Variants in SPIRE1 observed in about 807,000 individuals in gnomAD.
SPIRE1 encodes the protein spire type actin nucleation factor 1, also known as protein spire homolog 1.
A neutral mutation model predicts 94.1 loss-of-function variants in SPIRE1; 40 were observed. That is an observed-to-expected ratio of 0.43 (90% confidence interval 0.33 to 0.55). The LOEUF (loss-of-function observed/expected upper bound fraction) is 0.55. Ranked by LOEUF, SPIRE1 falls within the 20% of genes least tolerant of loss-of-function variation. SPIRE1 has a pLI of 0.06. For missense variants in SPIRE1, 838 were observed against 975.2 expected (o/e 0.86, Z 1.87); for synonymous variants, 376 against 371.7 (o/e 1.01, Z -0.13).
intron 3 of SPIRE1, among the ~76,000 whole-genome samples, chr18:12,542,198 C>T (rs1182061270): frequency 6.6e-6 from 1 of 152,082 alleles, no homozygotes; most frequent in African/African-American, 2.4e-5. Context: ...AGGTCTCGAA[C>T]TCCTGACCTC....
At chr18:12,586,441 CT>C (rs2036392907) in intron 2 of SPIRE1, among the ~76,000 whole-genome samples, 1 of 152,134 alleles carries the variant, frequency 6.6e-6, no homozygotes, top group African/African-American at 2.4e-5. Flanking sequence ...GCCAGATTAC[CT>C]TGGTATTCCA....
At chr18:12,605,246 T>C (rs1360271316) in intron 2 of SPIRE1, among the ~76,000 whole-genome samples, 6 of 152,152 alleles carry the variant, frequency 3.9e-5, no homozygotes, top group Admixed American at 3.9e-4. Context: ...AGGCTGGGCA[T>C]GGTGGCTCAC....
chr18:12,462,159 A>T (rs1331229092), intron 12 of SPIRE1, among the ~76,000 whole-genome samples: 1 of 152,208 alleles, frequency 6.6e-6, no homozygotes, highest in Non-Finnish European at 1.5e-5. Flanking sequence ...TAAAATCATT[A>T]GTTCTTTAAT....
intron 2 of SPIRE1, among the ~76,000 whole-genome samples, chr18:12,614,300 A>G (rs1467030514): frequency 1.3e-5 from 2 of 152,152 alleles, no homozygotes; most frequent in Non-Finnish European, 2.9e-5. Context: ...AGATATATAT[A>G]TAATGAAAGT....
At position 12,449,392 on chromosome 18, in the gene SPIRE1, C is replaced by T; in HGVS notation, c.*246G>A. On this transcript the variant is annotated 3_prime_UTR_variant, in exon 17 of 17. Transcript: ENST00000409402. ...CTACTGGCTTCCAAAGCCACACACA[C>T]ACAAAAGTAAGTTTCAAACTGTTGT... 2.0e-6 allele frequency: 1 copy of T among 509,854 alleles called. No individual in the cohort carries two copies. The highest frequency in any genetic ancestry group is 3.5e-5 in the East Asian group (1 of 28,862). 31.6% of individuals were successfully genotyped at this position (509,854 alleles called of 1,614,324 possible).
chr18:12,469,555 T>C (rs1271533012), intron 10 of SPIRE1, among the ~76,000 whole-genome samples: 7 of 146,212 alleles, frequency 4.8e-5, no homozygotes, highest in African/African-American at 1.7e-4. Context: ...GCTTACTCTT[T>C]ATATATATAA....
Position 12,634,203 on chromosome 18 carries a change from G to A in SPIRE1, c.372+859C>T, listed in dbSNP as rs149861483. The stretch of plus-strand genomic sequence containing the variant: ...GCGGAGCTTGCAGTGAGCTGAGATC[G>A]TGCCACTGCCCTCCAGCCTGGGCGA... On this transcript the variant is annotated intron_variant, in intron 2 of 16. Transcript: ENST00000409402. Among the ~76,000 whole-genome samples the A allele has an allele frequency of 9.6e-3, 1,458 of 151,730 alleles. 29 individuals carry two copies. The highest frequency in any genetic ancestry group is 0.034 in the African/African-American group (1,388 of 41,408).
intron 3 of SPIRE1, among the ~76,000 whole-genome samples, chr18:12,536,233 T>C (rs2034837812): frequency 6.6e-6 from 1 of 152,174 alleles, no homozygotes; most frequent in Admixed American, 6.5e-5. Context: ...TGATGACGGA[T>C]CCAGTTTTTT....
rs573697894 is a variant in SPIRE1, at chr18:12,544,232, C to T, written c.603+2442G>A. ...TTTCTTTTTTTGAGACAGAGTCTCA[C>T]TCTGTCACCCAGGCTGGAGTGCAGT... On this transcript the variant is annotated intron_variant, in intron 3 of 16. Coordinates refer to ENST00000409402, the MANE Select transcript of SPIRE1 (RefSeq NM_001128626.2). Among the ~76,000 whole-genome samples, 76 of 150,876 alleles carry T rather than the reference C, an allele frequency of 5.0e-4. 1 individual carries two copies. Among genetic ancestry groups the T allele is most frequent in the Middle Eastern group, 3.4e-3 (1 of 294 alleles).
chr18:12,562,004 A>G (rs1235856265), intron 2 of SPIRE1, among the ~76,000 whole-genome samples: 5 of 152,206 alleles, frequency 3.3e-5, no homozygotes, highest in Non-Finnish European at 7.3e-5. Flanking sequence ...CAATTGTCTG[A>G]CCTCTGGGAA....
At chr18:12,547,933 A>AAACAAAC (rs775189094) in intron 2 of SPIRE1, among the ~76,000 whole-genome samples, 7 of 152,128 alleles carry the variant, frequency 4.6e-5, no homozygotes, top group South Asian at 2.1e-4. Flanking sequence ...ACAAACAAAC[A>AAACAAAC]AACAACAACA....
chr18:12,628,039 C>A lies in SPIRE1; in HGVS notation c.372+7023G>T, dbSNP rs189969504. 6.6e-5 allele frequency among the ~76,000 whole-genome samples: 10 copies of A among 152,278 alleles called. No homozygotes were observed. The East Asian group carries it at 1.9e-3, about 29-fold the overall frequency. On this transcript the variant is annotated intron_variant, in intron 2 of 16. Transcript: ENST00000409402. Reference sequence around the variant, plus strand: ...TCTGAGGGTAGCTTCTTCTGCCATGCAGAAGCTCTTTAGTTTAATTAGATC... The same window carrying A: ...TCTGAGGGTAGCTTCTTCTGCCATGAAGAAGCTCTTTAGTTTAATTAGATC...
At chr18:12,604,773 T>C (rs1300560508) in intron 2 of SPIRE1, among the ~76,000 whole-genome samples, 4 of 152,174 alleles carry the variant, frequency 2.6e-5, no homozygotes, top group African/African-American at 7.2e-5. Flanking sequence ...CCTGTCAATC[T>C]GTTGAGAACT....
At chr18:12,468,935 A>T (rs1054488151) in intron 10 of SPIRE1, among the ~76,000 whole-genome samples, 1 of 152,036 alleles carries the variant, frequency 6.6e-6, no homozygotes, top group African/African-American at 2.4e-5. Flanking sequence ...GTGGTGGTGC[A>T]CACCTATGGT....
chr18:12,485,909 A>C, intron 9 of SPIRE1, 50 bp downstream of exon 9: 1 of 1,383,832 alleles, frequency 7.2e-7, no homozygotes, highest in Non-Finnish European at 1.0e-6. Context: ...TGTATTTCAC[A>C]GAAACCACAA....
At chr18:12,629,376 C>T (rs2037715675) in intron 2 of SPIRE1, among the ~76,000 whole-genome samples, 1 of 152,154 alleles carries the variant, frequency 6.6e-6, no homozygotes. Context: ...ACTATTTAAA[C>T]AATGGCAGTA....
intron 2 of SPIRE1, among the ~76,000 whole-genome samples, chr18:12,631,660 G>C (rs1307569344): frequency 1.3e-5 from 2 of 151,844 alleles, no homozygotes; most frequent in South Asian, 2.1e-4. Flanking sequence ...AGGATCACGA[G>C]GTCAGGAGTT....
At chr18:12,651,922 C>CTTCTACCAACCTTAAGATTAT (rs1555637879) in intron 1 of SPIRE1, among the ~76,000 whole-genome samples, 2 of 152,184 alleles carry the variant, frequency 1.3e-5, no homozygotes, top group Non-Finnish European at 2.9e-5. Context: ...TTCATTGTTC[C>CTTCTACCAACCTTAAGATTAT]TTTCAGGAAA....
At chr18:12,599,407 C>T (rs367702927) in intron 2 of SPIRE1, among the ~76,000 whole-genome samples, 9 of 152,128 alleles carry the variant, frequency 5.9e-5, no homozygotes, top group African/African-American at 2.2e-4. Context: ...ACTACAGGTA[C>T]GCCCCACTAC....
Sources: allele counts gnomAD v4.1 joint callset (sites outside exome capture counted in the v4.1 genomes callset), GRCh38; gene constraint gnomAD v4.1.1; transcripts MANE v1.5; gene names NCBI Gene and HGNC (gene_info 2026-07-23, HGNC 2026-07-21).